ZNF831: variants seen among roughly 807,000 people sequenced by gnomAD.
ZNF831 encodes the protein chromosome 20 open reading frame 174.
Under a neutral mutation model 95.8 loss-of-function variants are expected in ZNF831, and 59 were observed. The observed-to-expected ratio is 0.62, with a 90% CI of 0.50 to 0.77. The LOEUF (loss-of-function observed/expected upper bound fraction) is 0.77. Ranked by LOEUF, ZNF831 falls within the 30% of genes least tolerant of loss-of-function variation. The probability of loss-of-function intolerance (pLI) is 0.00; values close to 1 mark genes in which losing one functional copy is unlikely to be tolerated. For synonymous variants in ZNF831, 961 were observed against 925.5 expected (o/e 1.04, Z -0.70); for missense variants, 2,205 against 2,164.0 (o/e 1.02, Z -0.38).
chr20:59,133,548 C>T (rs187429184), intron 1 of ZNF831, among the ~76,000 whole-genome samples: 6 of 152,266 alleles, frequency 3.9e-5, no homozygotes, highest in East Asian at 3.9e-4. Context: ...CAAGTGGCCC[C>T]GTGTGTGCCT....
At chr20:59,153,292 G>A (rs995835643) in intron 2 of ZNF831, among the ~76,000 whole-genome samples, 3 of 152,188 alleles carry the variant, frequency 2.0e-5, no homozygotes, top group South Asian at 4.1e-4. Context: ...AACTGGACCC[G>A]GAGAGAACAG....
chr20:59,157,125 T>G (rs1980586648), intron 2 of ZNF831, among the ~76,000 whole-genome samples: 1 of 152,240 alleles, frequency 6.6e-6, no homozygotes, highest in South Asian at 2.1e-4. Flanking sequence ...AAATTATTGT[T>G]GACTGTAGTC....
intron 1 of ZNF831, among the ~76,000 whole-genome samples, chr20:59,187,307 C>T (rs115313515): frequency 2.0e-5 from 3 of 152,208 alleles, no homozygotes; most frequent in East Asian, 3.9e-4. Context: ...CAGGTCATGA[C>T]GTGGAGCCCT....
rs961870209 is a variant in ZNF831, at chr20:59,192,550, G to T, written c.1531G>T (p.Glu511Ter). ...CAGGAGCAACTCGCTGCCCTTCGTCGAGGGCTCCAGGACGTGGCTGGAGCC... is the reference window on the plus strand; with the variant it reads ...CAGGAGCAACTCGCTGCCCTTCGTCTAGGGCTCCAGGACGTGGCTGGAGCC... ...VTRSNSLPFV[E>*]GSRTWLEPRE... The change falls in exon 2 of 6, where the codon GAG becomes TAG. Residue 511 changes from glutamate (E) to a stop codon, truncating the protein, a stop_gained. Transcript: ENST00000371030. LOFTEE classifies it high-confidence loss of function. The surrounding 1 kb of genome is among the most constrained non-coding windows in gnomAD (Gnocchi z 5.2). 6.6e-7 allele frequency: 1 copy of T among 1,525,272 alleles called. No homozygotes were observed. Among genetic ancestry groups the T allele is most frequent in the Non-Finnish European group, 8.8e-7 (1 of 1,138,674 alleles). 94.5% of individuals were successfully genotyped at this position (1,525,272 alleles called of 1,614,324 possible). A position where few individuals can be genotyped will look rare whatever the true frequency, so the allele number is the denominator to read the frequency against.
At chr20:59,179,272 AC>A (rs1233644456) in intron 1 of ZNF831, among the ~76,000 whole-genome samples, 14 of 151,898 alleles carry the variant, frequency 9.2e-5, no homozygotes, top group Admixed American at 7.9e-4. Context: ...CCCTGGTGTT[AC>A]CCCCGCTTGT....
At chr20:59,142,002 C>T (rs572777697) in intron 1 of ZNF831, among the ~76,000 whole-genome samples, 4 of 152,254 alleles carry the variant, frequency 2.6e-5, no homozygotes, top group South Asian at 4.1e-4. Flanking sequence ...ATGGCTTGGC[C>T]GCCTCATTCC....
At chr20:59,150,678 G>A (rs1980179226) in intron 2 of ZNF831, among the ~76,000 whole-genome samples, 2 of 152,300 alleles carry the variant, frequency 1.3e-5, no homozygotes, top group South Asian at 4.1e-4. Context: ...AGCCCACTAT[G>A]CTGTGGCCAG....
chr20:59,139,369 T>C (rs1979605716), intron 1 of ZNF831, among the ~76,000 whole-genome samples: 1 of 152,176 alleles, frequency 6.6e-6, no homozygotes, highest in African/African-American at 2.4e-5. Flanking sequence ...GAAATAAAAA[T>C]AATTTTTATT....
intron 1 of ZNF831, among the ~76,000 whole-genome samples, chr20:59,143,115 A>G (rs976649707): frequency 6.6e-6 from 1 of 152,130 alleles, no homozygotes; most frequent in Admixed American, 6.5e-5. Flanking sequence ...CTCAAGCTGG[A>G]CTTCAACTTC....
chr20:59,169,816 T>C lies in ZNF831; in HGVS notation c.-37+5609T>C, dbSNP rs11908189. ...TCGGGAGGCTGAGGCAGGAGAATGT[T>C]TTGAACCCAGGAGGCAGAGGTTGCA... On this transcript the variant is annotated intron_variant, in intron 1 of 5. Transcript: ENST00000371030. The surrounding 1 kb of genome is among the most constrained non-coding windows in gnomAD (Gnocchi z 4.1). Among the ~76,000 whole-genome samples, 21,893 of 151,792 alleles carry C rather than the reference T, an allele frequency of 0.14. 1,764 individuals are homozygous for C. Among genetic ancestry groups the C allele is most frequent in the African/African-American group, 0.22 (9,053 of 41,330 alleles).
intron 1 of ZNF831, among the ~76,000 whole-genome samples, chr20:59,168,236 T>C (rs925582590): frequency 6.6e-6 from 1 of 152,242 alleles, no homozygotes; most frequent in African/African-American, 2.4e-5. Flanking sequence ...AATATGCCTC[T>C]TTATTATTTA....
At position 59,254,576 on chromosome 20, in the gene ZNF831, C is replaced by T. The variant is rs1347697053; in HGVS notation, c.4867C>T (p.Arg1623Trp). The change falls in exon 6 of 6, where the codon CGG (arginine) becomes TGG (tryptophan). Residue 1623 changes from arginine to tryptophan, a missense_variant. Physicochemically the swap from Arg to Trp is moderately radical, Grantham distance 101. Transcript: ENST00000371030. The surrounding 1 kb of genome is among the most constrained non-coding windows in gnomAD (Gnocchi z 4.5). ...ACGTCAGGTATCTGGATTAATCACTCGGAAAGATTCTGTGGTTCCTTCTAA... is the reference window on the plus strand; with the variant it reads ...ACGTCAGGTATCTGGATTAATCACTTGGAAAGATTCTGTGGTTCCTTCTAA... ...RKRQVSGLIT[R>W]KDSVVPSKPE... 40 of 1,613,910 alleles carry T rather than the reference C, an allele frequency of 2.5e-5. No homozygotes were observed. The highest frequency in any genetic ancestry group is 3.3e-5 in the Non-Finnish European group (39 of 1,180,038).
intron 3 of ZNF831, among the ~76,000 whole-genome samples, chr20:59,199,131 C>G (rs1361370846): frequency 8.3e-6 from 1 of 119,836 alleles, no homozygotes; most frequent in Admixed American, 1.0e-4. Context: ...ATCTATCTAT[C>G]TATCACGTAA....
At chr20:59,234,235 G>A (rs1334892056) in intron 4 of ZNF831, among the ~76,000 whole-genome samples, 1 of 152,174 alleles carries the variant, frequency 6.6e-6, no homozygotes, top group Non-Finnish European at 1.5e-5. Context: ...GTCATGGTTG[G>A]TATTAAGAAC....
At position 59,194,253 on chromosome 20, in the gene ZNF831, C is replaced by T. The variant is rs2146596326; in HGVS notation, c.3234C>T (p.Leu1078=). Residue 1078 remains leucine, a synonymous_variant, in exon 2 of 6, where the codon CTC becomes CTT. Coordinates refer to ENST00000371030, the MANE Select transcript of ZNF831 (RefSeq NM_178457.3). Reference sequence around the variant, plus strand: ...GTGACAGCCACCGTATCCATCGCCTCTGCATGGGCAGCACTTTGGCAAGGG... The same window carrying T: ...GTGACAGCCACCGTATCCATCGCCTTTGCATGGGCAGCACTTTGGCAAGGG... The part of the protein sequence containing the change: ...MEGDSHRIHR[L]CMGSTLARAR... 5.6e-6 allele frequency: 9 copies of T among 1,614,052 alleles called. No individual in the cohort carries two copies. The highest frequency in any genetic ancestry group is 5.9e-6 in the Non-Finnish European group (7 of 1,180,020).
chr20:59,142,843 T>G (rs190791949), intron 1 of ZNF831, among the ~76,000 whole-genome samples: 40 of 152,386 alleles, frequency 2.6e-4, no homozygotes, highest in African/African-American at 8.9e-4. Context: ...TCTTTGATTT[T>G]TGTCTTTTTA....
chr20:59,183,625 A>G (rs1982789584), intron 1 of ZNF831, among the ~76,000 whole-genome samples: 1 of 152,256 alleles, frequency 6.6e-6, no homozygotes, highest in Admixed American at 6.5e-5. Flanking sequence ...GCAGTAGGCA[A>G]AACATGACAT....
intron 4 of ZNF831, 40 bp downstream of exon 4, chr20:59,207,096 G>C (rs369896513): frequency 8.7e-6 from 14 of 1,602,900 alleles, no homozygotes; most frequent in Non-Finnish European, 8.5e-7. Flanking sequence ...CTGGGCACTC[G>C]AAGGCACCCG....
At chr20:59,153,014 A>C (rs1028379931) in intron 2 of ZNF831, among the ~76,000 whole-genome samples, 1 of 152,192 alleles carries the variant, frequency 6.6e-6, no homozygotes, top group African/African-American at 2.4e-5. Flanking sequence ...CTTTGCATGT[A>C]GCAGGGGTGA....
Sources: gnomAD v4.1 joint callset for allele counts (sites outside exome capture counted in the v4.1 genomes callset) on GRCh38, gnomAD v4.1.1 for gene constraint, Gnocchi (gnomAD v3.1) non-coding constraint, MANE v1.5 for transcripts, NCBI Gene and HGNC (gene_info 2026-07-23, HGNC 2026-07-21) for gene names.